The following PTPRE variants were observed in gnomAD, a reference collection of about 807,000 sequenced individuals.
The protein encoded by PTPRE is protein tyrosine phosphatase receptor type E, also known as receptor-type tyrosine-protein phosphatase epsilon.
A neutral mutation model predicts 102.0 loss-of-function variants in PTPRE; 51 were observed. That is an observed-to-expected ratio of 0.50 (90% confidence interval 0.40 to 0.63). PTPRE has a LOEUF of 0.63. Ranked by LOEUF, PTPRE falls within the 30% of genes least tolerant of loss-of-function variation. PTPRE has a pLI of 0.00. For synonymous variants in PTPRE, 345 were observed against 348.2 expected, an observed-to-expected ratio of 0.99 and a Z score of 0.10; for missense variants, 752 against 915.1, an observed-to-expected ratio of 0.82 and a Z score of 2.30.
intron 2 of PTPRE, among the ~76,000 whole-genome samples, chr10:127,994,449 C>T (rs545787234): frequency 1.3e-5 from 2 of 152,324 alleles, no homozygotes; most frequent in Admixed American, 6.5e-5. Context: ...TTTTCTCACC[C>T]GCAAGAACGC....
intron 5 of PTPRE, 124 bp downstream of exon 5, chr10:128,047,961 C>T (rs1848241339): frequency 1.1e-6 from 1 of 919,184 alleles, no homozygotes; most frequent in Admixed American, 2.9e-5. Flanking sequence ...ACTTTCATCT[C>T]ACTCTACCTG....
chr10:127,919,445 G>A (rs1846438312), intron 1 of PTPRE, among the ~76,000 whole-genome samples: 1 of 152,220 alleles, frequency 6.6e-6, no homozygotes. Context: ...GGGGCACGCT[G>A]CCTGCTCCTG....
chr10:128,010,816 C>T (rs1844953448), intron 2 of PTPRE, among the ~76,000 whole-genome samples: 1 of 152,140 alleles, frequency 6.6e-6, no homozygotes, highest in Admixed American at 6.6e-5. Flanking sequence ...TGGTCTTGAT[C>T]TCCTGACTTC....
intron 2 of PTPRE, among the ~76,000 whole-genome samples, chr10:128,009,401 G>T (rs1407155218): frequency 6.6e-6 from 1 of 152,204 alleles, no homozygotes; most frequent in African/African-American, 2.4e-5. Flanking sequence ...GTTTTCTTGT[G>T]TTCGTGAACA....
At chr10:128,049,897 C>T (rs1307625595) in intron 6 of PTPRE, among the ~76,000 whole-genome samples, 1 of 152,172 alleles carries the variant, frequency 6.6e-6, no homozygotes, top group Non-Finnish European at 1.5e-5. Context: ...GTGAAGCCTC[C>T]TTACACCTCC....
At chr10:128,010,145 C>T (rs1241528040) in intron 2 of PTPRE, among the ~76,000 whole-genome samples, 37 of 152,212 alleles carry the variant, frequency 2.4e-4, no homozygotes, top group African/African-American at 8.2e-4. Context: ...TAAACCAGGC[C>T]GACTTGTCCC....
intron 10 of PTPRE, among the ~76,000 whole-genome samples, chr10:128,064,018 C>T (rs930776763): frequency 1.3e-5 from 2 of 152,190 alleles, no homozygotes; most frequent in African/African-American, 2.4e-5. Context: ...GTGTCCTGCC[C>T]GGCCCTGCTC....
chr10:127,984,751 T>C (rs991055677), intron 2 of PTPRE, among the ~76,000 whole-genome samples: 17 of 152,236 alleles, frequency 1.1e-4, no homozygotes, highest in African/African-American at 4.1e-4. Flanking sequence ...CCTCATTCTC[T>C]TCTCTTGTCT....
Position 128,061,378 on chromosome 10 carries a change from A to C in PTPRE, c.589-301A>C, listed in dbSNP as rs79460966. 2.0e-4 allele frequency among the ~76,000 whole-genome samples: 30 copies of C among 152,364 alleles called. No homozygotes were observed. In the East Asian group the frequency reaches 4.6e-3, roughly 23 times the overall value. On this transcript the variant is annotated intron_variant, in intron 8 of 20. Coordinates refer to ENST00000254667, the MANE Select transcript of PTPRE (RefSeq NM_006504.6). Reference sequence around the variant, plus strand: ...TAATATCAATTATAAAATTCCCATTAAAAATACAACATAAAATAAATTGTA... The same window carrying C: ...TAATATCAATTATAAAATTCCCATTCAAAATACAACATAAAATAAATTGTA...
intron 2 of PTPRE, among the ~76,000 whole-genome samples, chr10:128,021,566 A>G (rs1040782765): frequency 1.3e-5 from 2 of 152,220 alleles, no homozygotes; most frequent in African/African-American, 4.8e-5. Flanking sequence ...GCATTAGCAC[A>G]ATCAGAGCCC....
intron 7 of PTPRE, among the ~76,000 whole-genome samples, chr10:128,057,554 C>G (rs1288443105): frequency 1.3e-5 from 2 of 152,226 alleles, no homozygotes; most frequent in Non-Finnish European, 2.9e-5. Context: ...GTGGTCTGTC[C>G]AAACTGTGCA....
intron 11 of PTPRE, among the ~76,000 whole-genome samples, chr10:128,067,348 TCA>T (rs573056978): frequency 0.012 from 1,091 of 94,100 alleles, 26 homozygotes; most frequent in African/African-American, 0.044. Context: ...CCACACACAT[TCA>T]CACACGCACA....
intron 1 of PTPRE, among the ~76,000 whole-genome samples, chr10:127,960,050 G>T (rs1174525699): frequency 6.6e-6 from 1 of 152,222 alleles, no homozygotes; most frequent in Non-Finnish European, 1.5e-5. Flanking sequence ...TACTATGTAA[G>T]ATGGGAAGTA....
At chr10:128,073,063 G>A (rs909926403) in intron 16 of PTPRE, among the ~76,000 whole-genome samples, 1 of 152,204 alleles carries the variant, frequency 6.6e-6, no homozygotes, top group Non-Finnish European at 1.5e-5. Context: ...ACCAGGTGCT[G>A]TTCAGGTGGC....
intron 10 of PTPRE, 145 bp from the exon 11 acceptor site, chr10:128,065,930 G>T (rs141013635): frequency 4.9e-5 from 59 of 1,199,022 alleles, no homozygotes; most frequent in Middle Eastern, 5.2e-4. Flanking sequence ...CATTCAAGAG[G>T]TCGACACACG....
At chr10:127,935,964 G>T (rs758693313) in intron 1 of PTPRE, 1 of 152,210 alleles carries the variant, frequency 6.6e-6, no homozygotes, top group Non-Finnish European at 1.5e-5. Flanking sequence ...CTCACCTCAG[G>T]TGCCTTCCTA....
chr10:128,023,314 G>T (rs913059235), intron 2 of PTPRE, among the ~76,000 whole-genome samples: 1 of 151,956 alleles, frequency 6.6e-6, no homozygotes, highest in African/African-American at 2.4e-5. Context: ...TAGGAAAAAG[G>T]ATAGTATATA....
intron 2 of PTPRE, among the ~76,000 whole-genome samples, chr10:128,025,337 G>A (rs1250323188): frequency 6.6e-6 from 1 of 152,158 alleles, no homozygotes; most frequent in Non-Finnish European, 1.5e-5. Flanking sequence ...AGGACCCACG[G>A]CTTCAGCTTC....
chr10:128,045,836 C>T (rs1307587267), intron 3 of PTPRE, among the ~76,000 whole-genome samples: 3 of 152,222 alleles, frequency 2.0e-5, no homozygotes, highest in Non-Finnish European at 2.9e-5. Context: ...TTGTGTGGGG[C>T]CAGAACCAGC....
Sources: gnomAD v4.1 joint callset for allele counts (sites outside exome capture counted in the v4.1 genomes callset) on GRCh38, gnomAD v4.1.1 for gene constraint, MANE v1.5 for transcripts, NCBI Gene and HGNC (gene_info 2026-07-23, HGNC 2026-07-21) for gene names.